Variants in INTS7 observed in about 807,000 individuals in gnomAD.
INTS7 encodes the protein integrator complex subunit 7, also known as chromosome 1 open reading frame 73.
In INTS7, 46 loss-of-function variants were observed where a neutral mutation model predicts 109.2. The observed-to-expected ratio is 0.42, with a 90% CI of 0.33 to 0.54. The LOEUF is 0.54. Ranked by LOEUF, INTS7 falls within the 20% of genes least tolerant of loss-of-function variation. INTS7 has a pLI of 0.07. For synonymous variants in INTS7, 412 were observed against 402.9 expected, an observed-to-expected ratio of 1.02 and a Z score of -0.27; for missense variants, 929 against 1,132.4, an observed-to-expected ratio of 0.82 and a Z score of 2.58.
At position 211,981,185 on chromosome 1, in the gene INTS7, A is replaced by G. The variant is rs780301163; in HGVS notation, c.1138T>C (p.Leu380=). 2.5e-6 allele frequency: 4 copies of G among 1,607,320 alleles called. No individual in the cohort carries two copies. Among genetic ancestry groups the G allele is most frequent in the South Asian group, 2.2e-5 (2 of 90,926 alleles). Residue 380 remains leucine (L), a synonymous_variant, in exon 10 of 20, where the codon TTG becomes CTG. Transcript: ENST00000366994. ...AAGACAGCATCTTGTTCCAGTGCCA[A>G]AAGATCTAGAAGAAAAACAGTAAAC... The part of the protein sequence containing the change: ...ITVSCQEKDL[L]ALEQDAVFGL...
At chr1:212,009,877 G>A (rs1221819346) in intron 5 of INTS7, among the ~76,000 whole-genome samples, 1 of 152,150 alleles carries the variant, frequency 6.6e-6, no homozygotes, top group Non-Finnish European at 1.5e-5. Flanking sequence ...GGAATAAAGG[G>A]GAACACAACA....
At chr1:211,984,420 A>G (rs968270349) in intron 8 of INTS7, among the ~76,000 whole-genome samples, 2 of 152,110 alleles carry the variant, frequency 1.3e-5, no homozygotes, top group African/African-American at 4.8e-5. Flanking sequence ...AACCAGCATG[A>G]CCTTACTGTT....
intron 1 of INTS7, among the ~76,000 whole-genome samples, chr1:212,030,536 G>A (rs895592739): frequency 5.3e-5 from 8 of 152,178 alleles, no homozygotes; most frequent in Admixed American, 3.3e-4. Flanking sequence ...TGATCCGCCC[G>A]CCTCGGCCTC....
At chr1:212,007,009 A>G (rs1028401211) in intron 6 of INTS7, among the ~76,000 whole-genome samples, 4 of 141,408 alleles carry the variant, frequency 2.8e-5, no homozygotes, top group African/African-American at 1.1e-4. Flanking sequence ...TTTTTTTTTT[A>G]TACGGCCAAC....
At chr1:212,000,842 C>T (rs372161815) in intron 7 of INTS7, among the ~76,000 whole-genome samples, 2 of 152,144 alleles carry the variant, frequency 1.3e-5, no homozygotes, top group African/African-American at 4.8e-5. Context: ...TTCTTAAGGT[C>T]TTCCTTCCTA....
intron 13 of INTS7, among the ~76,000 whole-genome samples, chr1:211,972,340 G>C (rs1336887263): frequency 6.6e-6 from 1 of 152,024 alleles, no homozygotes. Context: ...CCACACCTTG[G>C]GCAGGCTGAA....
chr1:211,978,514 G>C lies in INTS7; in HGVS notation c.1231-3C>G, dbSNP rs1664518214. On this transcript the variant is annotated splice_polypyrimidine_tract_variant and splice_region_variant and intron_variant, in intron 10 of 19. Transcript: ENST00000366994. ...TTCACCATACAGTTTAGAGCAATCT[G>C]CACGCCAAAAAGAAAATGAACTAGT... 6.2e-7 allele frequency: 1 copy of C among 1,613,726 alleles called. No individual in the cohort carries two copies. Among genetic ancestry groups the C allele is most frequent in the African/African-American group, 1.3e-5 (1 of 75,026 alleles).
At chr1:212,019,888 G>C (rs1003088507) in intron 3 of INTS7, among the ~76,000 whole-genome samples, 3 of 152,198 alleles carry the variant, frequency 2.0e-5, no homozygotes, top group Admixed American at 6.5e-5. Context: ...TCTACATAGA[G>C]ATGCATTTCA....
chr1:212,004,478 A>G (rs1039516290), intron 7 of INTS7, among the ~76,000 whole-genome samples: 1 of 152,230 alleles, frequency 6.6e-6, no homozygotes, highest in Non-Finnish European at 1.5e-5. Context: ...TAAAGTAGTG[A>G]TATTAATATC....
At chr1:211,985,186 G>GT (rs1664840754) in intron 8 of INTS7, among the ~76,000 whole-genome samples, 1 of 152,090 alleles carries the variant, frequency 6.6e-6, no homozygotes, top group African/African-American at 2.4e-5. Context: ...AACACACCAT[G>GT]TTTATCAAAC....
intron 1 of INTS7, among the ~76,000 whole-genome samples, chr1:212,029,346 G>C (rs1667056987): frequency 6.6e-6 from 1 of 152,222 alleles, no homozygotes; most frequent in Non-Finnish European, 1.5e-5. Flanking sequence ...GCAACAATTA[G>C]CTCTGCTGTC....
At chr1:211,967,744 TTAAAGGGGAAACTATATAA>T in intron 15 of INTS7, 115 bp downstream of exon 15, 2 of 573,040 alleles carry the variant, frequency 3.5e-6, no homozygotes, top group South Asian at 4.7e-5. Flanking sequence ...CTTATATATT[TTAAAGGGGAAACTATATAA>T]TAAATTTATA....
At chr1:211,968,216 T>G (rs1663996999) in intron 14 of INTS7, among the ~76,000 whole-genome samples, 1 of 152,204 alleles carries the variant, frequency 6.6e-6, no homozygotes, top group Admixed American at 6.5e-5. Flanking sequence ...AACAAAAACA[T>G]TTGTATTTTA....
At chr1:211,951,403 G>T (rs770363748) in intron 17 of INTS7, among the ~76,000 whole-genome samples, 1 of 152,174 alleles carries the variant, frequency 6.6e-6, no homozygotes, top group Non-Finnish European at 1.5e-5. Context: ...CCGCCACCCG[G>T]TTCAAGCGAT....
At chr1:212,011,319 G>C in intron 5 of INTS7, 56 bp downstream of exon 5, 2 of 893,706 alleles carry the variant, frequency 2.2e-6, no homozygotes, top group Non-Finnish European at 3.6e-6. Context: ...ATTAGTGTTA[G>C]CAACTATTAT....
intron 1 of INTS7, among the ~76,000 whole-genome samples, chr1:212,025,004 A>C (rs1020199592): frequency 6.6e-6 from 1 of 152,220 alleles, no homozygotes; most frequent in Non-Finnish European, 1.5e-5. Flanking sequence ...TTTGACTCTA[A>C]ATGAAACTAG....
Position 211,941,209 on chromosome 1 carries a change from G to GT in INTS7, c.*614dup, listed in dbSNP as rs1271103741. ...AGGTCTAAGTCAGGCAGCAAATGAT[G>GT]TATTTTGGAAGAGTAGCGGTCAAAT... On this transcript the variant is annotated 3_prime_UTR_variant, in exon 20 of 20. Coordinates refer to ENST00000366994, the MANE Select transcript of INTS7 (RefSeq NM_015434.4). The GT allele has an allele frequency of 1.3e-5, 2 of 152,426 alleles. No individual in the cohort carries two copies. The highest frequency in any genetic ancestry group is 2.9e-5 in the Non-Finnish European group (2 of 68,256). 9.4% of individuals were successfully genotyped at this position (152,426 alleles called of 1,614,324 possible).
chr1:211,951,345 G>A (rs180736105), intron 17 of INTS7, among the ~76,000 whole-genome samples: 1 of 152,204 alleles, frequency 6.6e-6, no homozygotes, highest in East Asian at 1.9e-4. Context: ...TCCTCGCTCT[G>A]TTGCCCGGGC....
At chr1:212,023,261 A>G (rs1235311962) in intron 1 of INTS7, among the ~76,000 whole-genome samples, 2 of 152,184 alleles carry the variant, frequency 1.3e-5, no homozygotes, top group South Asian at 2.1e-4. Flanking sequence ...TCCTTTGTGT[A>G]TATATCCAGT....
Sources: allele counts gnomAD v4.1 joint callset (sites outside exome capture counted in the v4.1 genomes callset), GRCh38; gene constraint gnomAD v4.1.1; transcripts MANE v1.5; gene names NCBI Gene and HGNC (gene_info 2026-07-23, HGNC 2026-07-21).